The following PAPOLA variants were observed in gnomAD, a reference collection of about 807,000 sequenced individuals.
PAPOLA encodes the protein polynucleotide adenylyltransferase alpha.
PAPOLA carries 15 observed loss-of-function variants against 100.6 expected under a neutral mutation model. The observed-to-expected ratio is 0.15, with a 90% CI of 0.10 to 0.23. The LOEUF (loss-of-function observed/expected upper bound fraction) is 0.23. Ranked by LOEUF, PAPOLA falls within the 10% of genes least tolerant of loss-of-function variation. The pLI, the probability that PAPOLA is intolerant of heterozygous loss-of-function variation, is 1.00. For missense variants in PAPOLA, 533 were observed against 884.2 expected (o/e 0.60, Z 5.04); for synonymous variants, 293 against 300.0 (o/e 0.98, Z 0.24).
At position 96,519,117 on chromosome 14, in the gene PAPOLA, CAG is replaced by C. The variant is rs531709640; in HGVS notation, c.9-937_9-936del. Among the ~76,000 whole-genome samples the C allele has an allele frequency of 2.2e-3, 332 of 148,828 alleles. 2 individuals are homozygous for C. The highest frequency in any genetic ancestry group is 7.8e-3 in the African/African-American group (315 of 40,344). On this transcript the variant is annotated intron_variant, in intron 1 of 21. Coordinates refer to ENST00000216277, the MANE Select transcript of PAPOLA (RefSeq NM_032632.5). ...ACACTTTTTTTTTTTTTGGTAGAGA[CAG>C]GGTTTCAGCATGTTATCCAGGCTGG...
intron 2 of PAPOLA, 130 bp downstream of exon 2, chr14:96,520,358 G>A (rs538327652): frequency 8.7e-5 from 59 of 676,690 alleles, no homozygotes; most frequent in Non-Finnish European, 1.2e-4. Flanking sequence ...CTGTTTTGGA[G>A]AAGAGGGATA....
At position 96,565,961 on chromosome 14, in the gene PAPOLA, A is replaced by G; in HGVS notation, c.*911A>G. 2.5e-6 allele frequency: 1 copy of G among 398,284 alleles called. No individual in the cohort carries two copies. Among genetic ancestry groups the G allele is most frequent in the Non-Finnish European group, 4.4e-6 (1 of 225,484 alleles). 24.7% of individuals were successfully genotyped at this position (398,284 alleles called of 1,614,324 possible). A position where few individuals can be genotyped will look rare whatever the true frequency, so the allele number is the denominator to read the frequency against. On this transcript the variant is annotated 3_prime_UTR_variant, in exon 22 of 22. Transcript: ENST00000216277. ...GTATTTTCTTAAGCCATGATGTGAA[A>G]CCAATGACCCTGTGACCACATGGCA...
In PAPOLA at chr14:96,535,893, T is replaced by G. The variant is rs757067344; in HGVS notation, c.924T>G (p.Asp308Glu). 1 of 1,594,742 alleles carries G rather than the reference T, an allele frequency of 6.3e-7. No individual in the cohort carries two copies. Among genetic ancestry groups the G allele is most frequent in the South Asian group, 1.1e-5 (1 of 87,550 alleles). ...GTTGTATGTAGGTAAACCCCAGTGA[T>G]AGGTACCATCTTATGCCTATAATTA... The part of the protein sequence containing the change: ...PVWDPRVNPS[D>E]RYHLMPIITP... The change falls in exon 11 of 22, where the codon GAT becomes GAG. Residue 308 changes from aspartate to glutamate, a missense_variant. Coordinates refer to ENST00000216277, the MANE Select transcript of PAPOLA (RefSeq NM_032632.5).
At position 96,555,238 on chromosome 14, in the gene PAPOLA, GT is replaced by G. The variant is rs780689375; in HGVS notation, c.1665-594del. 2.5e-3 allele frequency among the ~76,000 whole-genome samples: 335 copies of G among 135,444 alleles called. 3 individuals carry two copies. The highest frequency in any genetic ancestry group is 6.7e-3 in the African/African-American group (245 of 36,548). 88.9% of individuals were successfully genotyped at this position (135,444 alleles called of 152,430 possible). A position where few individuals can be genotyped will look rare whatever the true frequency, so the allele number is the denominator to read the frequency against. The stretch of plus-strand genomic sequence containing the variant: ...ACTTTTTTTTTTTTTAATAATATAG[GT>G]TTTTTTTTTTTTTTCTTGTAGAGAC... On this transcript the variant is annotated intron_variant, in intron 17 of 21. Transcript: ENST00000216277.
chr14:96,506,572 T>C (rs1896729865), intron 1 of PAPOLA, among the ~76,000 whole-genome samples: 2 of 152,312 alleles, frequency 1.3e-5, no homozygotes, highest in East Asian at 1.9e-4. Context: ...AAGCAAAATA[T>C]AGAATTTTAG....
intron 1 of PAPOLA, among the ~76,000 whole-genome samples, chr14:96,519,776 TC>T (rs1897788373): frequency 6.6e-6 from 1 of 152,254 alleles, no homozygotes; most frequent in African/African-American, 2.4e-5. Context: ...GTGAAATTTC[TC>T]AGAAGTTTAC....
chr14:96,534,392 T>TC, intron 9 of PAPOLA, 99 bp from the exon 10 acceptor site: 1 of 1,539,006 alleles, frequency 6.5e-7, no homozygotes, highest in South Asian at 1.3e-5. Context: ...GAAGGCAGAA[T>TC]GAAGAAGGAT....
chr14:96,502,888 A>C, intron 1 of PAPOLA: 1 of 400,714 alleles, frequency 2.5e-6, no homozygotes. Flanking sequence ...TCGCCCGGCC[A>C]CTCCAGCTTC....
chr14:96,503,608 T>C (rs1294382903), intron 1 of PAPOLA, among the ~76,000 whole-genome samples: 2 of 152,086 alleles, frequency 1.3e-5, no homozygotes, highest in Non-Finnish European at 2.9e-5. Flanking sequence ...TAAGAGTGCC[T>C]CTTTGAGACC....
rs1308020568 is a variant in PAPOLA at position 96,542,090 on chromosome 14, G to A, written c.1116-153G>A. On this transcript the variant is annotated intron_variant, in intron 12 of 21. Coordinates refer to ENST00000216277, the MANE Select transcript of PAPOLA (RefSeq NM_032632.5). ...CTAGTAGTTAGAAACATGGAATTTA[G>A]CATATATGATTTTATGTGCATATTG... 8.4e-6 allele frequency: 4 copies of A among 473,552 alleles called. No individual in the cohort carries two copies. The South Asian group carries it at 1.2e-4, about 14-fold the overall frequency. 29.3% of individuals were successfully genotyped at this position (473,552 alleles called of 1,614,324 possible). A position where few individuals can be genotyped will look rare whatever the true frequency, so the allele number is the denominator to read the frequency against.
At position 96,562,513 on chromosome 14, in the gene PAPOLA, G is replaced by C. The variant is rs141616450; in HGVS notation, c.2068-306G>C. Reference sequence around the variant, plus strand: ...TTGTCTGGGCAACATTTCATGATGTGCCTATGTGTGTTTTTAATTATTGTT... The same window carrying C: ...TTGTCTGGGCAACATTTCATGATGTCCCTATGTGTGTTTTTAATTATTGTT... On this transcript the variant is annotated intron_variant, in intron 20 of 21. Coordinates refer to ENST00000216277, the MANE Select transcript of PAPOLA (RefSeq NM_032632.5). 6.7e-3 allele frequency: 1,349 copies of C among 201,420 alleles called. 28 individuals carry two copies. The highest frequency in any genetic ancestry group is 0.031 in the African/African-American group (1,284 of 42,092). The allele number at this position is 201,420 out of a possible 1,614,324, so 12.5% of individuals were successfully genotyped here.
chr14:96,503,147 G>GT (rs1459417071), intron 1 of PAPOLA, among the ~76,000 whole-genome samples: 1 of 152,222 alleles, frequency 6.6e-6, no homozygotes, highest in Non-Finnish European at 1.5e-5. Context: ...TTGTCTGAAT[G>GT]TAGGAGCACG....
intron 19 of PAPOLA, among the ~76,000 whole-genome samples, chr14:96,559,581 C>CTCTCTATA (rs370979875): frequency 0.02 from 2,365 of 120,054 alleles, 27 homozygotes; most frequent in South Asian, 0.041. Flanking sequence ...CTCTCTCTCT[C>CTCTCTATA]TATATATATA....
At chr14:96,555,113 G>A (rs1901194298) in intron 17 of PAPOLA, among the ~76,000 whole-genome samples, 2 of 151,628 alleles carry the variant, frequency 1.3e-5, no homozygotes, top group Admixed American at 1.3e-4. Flanking sequence ...GTCTTTAACT[G>A]GGCCACTGGA....
chr14:96,528,124 A>G (rs376300711), intron 6 of PAPOLA, 118 bp downstream of exon 6: 1 of 658,654 alleles, frequency 1.5e-6, no homozygotes. Context: ...TATTAATAAC[A>G]ATTAAGGCTT....
intron 7 of PAPOLA, 69 bp downstream of exon 7, chr14:96,531,655 T>C: frequency 4.5e-6 from 7 of 1,547,572 alleles, no homozygotes; most frequent in Non-Finnish European, 6.1e-6. Context: ...TTACACAAGT[T>C]TTGTATTGAA....
chr14:96,533,903 GA>G, intron 9 of PAPOLA: 1 of 985,590 alleles, frequency 1.0e-6, no homozygotes, highest in Non-Finnish European at 1.2e-6. Flanking sequence ...ATGTTTTTAA[GA>G]AGCTAACCTT....
intron 17 of PAPOLA, among the ~76,000 whole-genome samples, chr14:96,553,837 G>A (rs1901065752): frequency 6.6e-6 from 1 of 152,186 alleles, no homozygotes; most frequent in South Asian, 2.1e-4. Flanking sequence ...ACCAATGGCA[G>A]AAGTGCGGGT....
rs930401493 is a variant in PAPOLA, at chr14:96,505,582, C to T, written c.8+2982C>T. Among the ~76,000 whole-genome samples the T allele has an allele frequency of 2.6e-5, 4 of 152,060 alleles. No homozygotes were observed. In the East Asian group the frequency reaches 5.8e-4, roughly 22 times the overall value. The stretch of plus-strand genomic sequence containing the variant: ...GGCGAGACAATAGCAAAAATGTTTT[C>T]GGGGGCTGCACAAAAAAGAGGGAAT... On this transcript the variant is annotated intron_variant, in intron 1 of 21. Transcript: ENST00000216277.
Sources: allele counts gnomAD v4.1 joint callset (sites outside exome capture counted in the v4.1 genomes callset), GRCh38; gene constraint gnomAD v4.1.1; transcripts MANE v1.5; gene names NCBI Gene and HGNC (gene_info 2026-07-23, HGNC 2026-07-21).